FRAS1: variants seen among roughly 807,000 people sequenced by gnomAD.
The protein encoded by FRAS1 is Fraser extracellular matrix complex subunit 1.
Under a neutral mutation model 435.2 loss-of-function variants are expected in FRAS1, and 290 were observed. The observed-to-expected ratio is 0.67, with a 90% CI of 0.61 to 0.73. The LOEUF (loss-of-function observed/expected upper bound fraction) is 0.73. Ranked by LOEUF, FRAS1 falls within the 30% of genes least tolerant of loss-of-function variation. The probability of loss-of-function intolerance (pLI) is 0.00; values close to 1 mark genes in which losing one functional copy is unlikely to be tolerated. For missense variants in FRAS1, 4,860 were observed against 5,001.5 expected (o/e 0.97, Z 0.85); for synonymous variants, 1,800 against 1,851.0 (o/e 0.97, Z 0.71).
chr4:78,299,311 A>G (rs566810312), intron 14 of FRAS1, among the ~76,000 whole-genome samples: 82 of 152,226 alleles, frequency 5.4e-4, no homozygotes, highest in African/African-American at 2.0e-3. Context: ...CCTGATTGGT[A>G]ACACCGAGGG....
At chr4:78,427,433 C>T (rs1734040897) in intron 35 of FRAS1, among the ~76,000 whole-genome samples, 1 of 152,162 alleles carries the variant, frequency 6.6e-6, no homozygotes, top group Non-Finnish European at 1.5e-5. Flanking sequence ...TGGACTAAGA[C>T]ATTCCCACTC....
intron 2 of FRAS1, chr4:78,182,087 G>C: frequency 6.8e-7 from 1 of 1,465,604 alleles, no homozygotes; most frequent in Non-Finnish European, 9.1e-7. Flanking sequence ...GATTGCAGCG[G>C]GCCGCGCCGA....
chr4:78,500,319 T>A (rs1210230513), intron 61 of FRAS1, among the ~76,000 whole-genome samples: 2 of 152,164 alleles, frequency 1.3e-5, no homozygotes, highest in African/African-American at 4.8e-5. Flanking sequence ...TGTGTTCAAG[T>A]GGTTTAATAT....
chr4:78,338,233 T>C (rs1730255003), intron 20 of FRAS1, among the ~76,000 whole-genome samples: 2 of 152,102 alleles, frequency 1.3e-5, no homozygotes, highest in Admixed American at 6.6e-5. Flanking sequence ...TTTAGAGAGA[T>C]TAACCTAAAA....
intron 14 of FRAS1, among the ~76,000 whole-genome samples, chr4:78,297,378 A>G (rs1728186190): frequency 6.6e-6 from 1 of 152,178 alleles, no homozygotes; most frequent in South Asian, 2.1e-4. Context: ...GGCTTTGTGG[A>G]AAATAAGGTG....
intron 14 of FRAS1, among the ~76,000 whole-genome samples, chr4:78,299,605 C>T (rs115111305): frequency 6.6e-6 from 1 of 152,324 alleles, no homozygotes; most frequent in African/African-American, 2.4e-5. Flanking sequence ...TACCTCTGGA[C>T]AAAGATGATT....
At chr4:78,518,861 G>C (rs1355476817) in intron 66 of FRAS1, among the ~76,000 whole-genome samples, 2 of 152,158 alleles carry the variant, frequency 1.3e-5, no homozygotes, top group Non-Finnish European at 2.9e-5. Flanking sequence ...GTTAGGCACA[G>C]GCTCCTCCCA....
intron 30 of FRAS1, among the ~76,000 whole-genome samples, chr4:78,405,207 C>CT (rs1046949901): frequency 1.3e-5 from 2 of 152,088 alleles, no homozygotes; most frequent in Admixed American, 1.3e-4. Context: ...TTCTGCTTTG[C>CT]TTTTTTATCA....
chr4:78,221,826 C>T (rs547768857), intron 2 of FRAS1, among the ~76,000 whole-genome samples: 1 of 152,230 alleles, frequency 6.6e-6, no homozygotes, highest in Admixed American at 6.5e-5. Context: ...CCTGTAAGTC[C>T]CATATTGTAT....
chr4:78,137,528 TATGAATG>T (rs750896797), intron 2 of FRAS1, among the ~76,000 whole-genome samples: 24 of 152,258 alleles, frequency 1.6e-4, no homozygotes, highest in Non-Finnish European at 2.5e-4. Context: ...ATTATTCATT[TATGAATG>T]ATAATAGTGC....
In FRAS1 at chr4:78,507,432, A is replaced by G; in HGVS notation, c.9328A>G (p.Ile3110Val). 6.8e-6 allele frequency: 11 copies of G among 1,610,374 alleles called. No homozygotes were observed. Among genetic ancestry groups the G allele is most frequent in the Non-Finnish European group, 9.3e-6 (11 of 1,178,514 alleles). Residue 3110 changes from isoleucine to valine, a missense_variant, in exon 62 of 74, where the codon ATC becomes GTC. Ile to Val is a conservative substitution (Grantham distance 29). Coordinates refer to ENST00000512123, the MANE Select transcript of FRAS1 (RefSeq NM_025074.7). ...TGTCCTTGGCGAAGGTGTGGATCAT[A>G]TCTTTTTTAAAGTTGAGATCCTGTC... is the stretch of plus-strand genomic sequence containing the variant. The part of the protein sequence containing the change: ...VLKFSPGVDH[I>V]FFKVEILSNE...
intron 26 of FRAS1, among the ~76,000 whole-genome samples, chr4:78,376,835 A>T (rs1013486645): frequency 1.3e-5 from 2 of 152,074 alleles, no homozygotes; most frequent in Non-Finnish European, 2.9e-5. Flanking sequence ...TACTAAAAAT[A>T]CAAAAATTAG....
chr4:78,537,890 G>A (rs1347098453), intron 72 of FRAS1, among the ~76,000 whole-genome samples: 1 of 150,294 alleles, frequency 6.7e-6, no homozygotes, highest in East Asian at 2.0e-4. Flanking sequence ...AGGATGCAGT[G>A]AGCCAAGATT....
chr4:78,440,257 C>T (rs1734606795), intron 40 of FRAS1, among the ~76,000 whole-genome samples: 1 of 151,984 alleles, frequency 6.6e-6, no homozygotes, highest in African/African-American at 2.4e-5. Flanking sequence ...TGGTCTCGAT[C>T]TCCTGACCTC....
intron 64 of FRAS1, among the ~76,000 whole-genome samples, chr4:78,511,889 A>G (rs1369671254): frequency 1.3e-5 from 2 of 152,166 alleles, no homozygotes; most frequent in Non-Finnish European, 2.9e-5. Flanking sequence ...GACATTTCCA[A>G]CATCTCCCCT....
At chr4:78,123,493 GT>G (rs1184058912) in intron 2 of FRAS1, among the ~76,000 whole-genome samples, 2 of 152,098 alleles carry the variant, frequency 1.3e-5, no homozygotes, top group Non-Finnish European at 2.9e-5. Flanking sequence ...GTTTTAAGTA[GT>G]TTTTTCCAGT....
intron 29 of FRAS1, among the ~76,000 whole-genome samples, chr4:78,395,388 T>A (rs1438767310): frequency 6.6e-6 from 1 of 152,052 alleles, no homozygotes; most frequent in Non-Finnish European, 1.5e-5. Context: ...TGTTCCATAG[T>A]GTTATTCAAG....
At chr4:78,060,857 T>A (rs189781624) in intron 1 of FRAS1, among the ~76,000 whole-genome samples, 71 of 152,272 alleles carry the variant, frequency 4.7e-4, no homozygotes, top group Non-Finnish European at 8.4e-4. Flanking sequence ...TTTTATTATT[T>A]TTTTTTTGAG....
chr4:78,309,585 T>G (rs1728934654), intron 15 of FRAS1, among the ~76,000 whole-genome samples: 1 of 152,250 alleles, frequency 6.6e-6, no homozygotes, highest in African/African-American at 2.4e-5. Context: ...TTAGATCTTC[T>G]GGCTCTGGGC....
Sources: gnomAD v4.1 joint callset for allele counts (sites outside exome capture counted in the v4.1 genomes callset) on GRCh38, gnomAD v4.1.1 for gene constraint, MANE v1.5 for transcripts, NCBI Gene and HGNC (gene_info 2026-07-23, HGNC 2026-07-21) for gene names.